Variants in NAALADL2 observed in about 807,000 individuals in gnomAD.
The protein encoded by NAALADL2 is N-acetylated alpha-linked acidic dipeptidase like 2.
NAALADL2 carries 76 observed loss-of-function variants against 87.2 expected under a neutral mutation model. The ratio of observed to expected loss-of-function variants is 0.87; its 90% CI spans 0.72 to 1.05. NAALADL2 has a LOEUF of 1.05. Ranked by LOEUF, NAALADL2 falls within the 50% of genes least tolerant of loss-of-function variation. NAALADL2 has a pLI of 0.00. For synonymous variants in NAALADL2, 354 were observed against 331.0 expected (o/e 1.07, Z -0.75); for missense variants, 1,089 against 945.8 (o/e 1.15, Z -1.99).
intron 5 of NAALADL2, among the ~76,000 whole-genome samples, chr3:175,441,706 C>T (rs1719797460): frequency 6.9e-6 from 1 of 144,926 alleles, no homozygotes; most frequent in African/African-American, 2.6e-5. Context: ...CACACACACA[C>T]GAGGTGCACA....
At chr3:175,439,331 T>G (rs967629579) in intron 5 of NAALADL2, among the ~76,000 whole-genome samples, 2 of 152,094 alleles carry the variant, frequency 1.3e-5, no homozygotes, top group African/African-American at 4.8e-5. Flanking sequence ...TTTTTATAAT[T>G]ACTTATTTTC....
At chr3:174,522,404 C>G (rs865904655) in intron 1 of NAALADL2, among the ~76,000 whole-genome samples, 46 of 152,088 alleles carry the variant, frequency 3.0e-4, no homozygotes, top group African/African-American at 1.0e-3. Context: ...CTTCTTGGCT[C>G]AATCTCAGCA....
At chr3:174,518,598 C>A (rs1206720070) in intron 1 of NAALADL2, among the ~76,000 whole-genome samples, 1 of 152,102 alleles carries the variant, frequency 6.6e-6, no homozygotes, top group African/African-American at 2.4e-5. Flanking sequence ...ATTTAATCAC[C>A]TTAACATGAC....
At chr3:175,358,948 A>AC in intron 5 of NAALADL2, among the ~76,000 whole-genome samples, 1 of 152,262 alleles carries the variant, frequency 6.6e-6, no homozygotes, top group East Asian at 1.9e-4. Flanking sequence ...AATGGAAAGG[A>AC]CTGTGAAAAT....
intron 9 of NAALADL2, among the ~76,000 whole-genome samples, chr3:175,525,399 T>C (rs1733250020): frequency 6.6e-6 from 1 of 152,154 alleles, no homozygotes; most frequent in African/African-American, 2.4e-5. Flanking sequence ...GTCAATTTAC[T>C]TATCCATTCT....
chr3:175,207,720 G>A (rs1002194562), intron 2 of NAALADL2, among the ~76,000 whole-genome samples: 5 of 151,994 alleles, frequency 3.3e-5, no homozygotes, highest in African/African-American at 7.2e-5. Context: ...ACATTAAGCC[G>A]AGTAAAGCTT....
chr3:175,251,577 C>A (rs1029727328), intron 3 of NAALADL2, among the ~76,000 whole-genome samples: 10 of 152,094 alleles, frequency 6.6e-5, no homozygotes, highest in East Asian at 1.9e-4. Flanking sequence ...TAACATAGTA[C>A]CCCAACTAGT....
chr3:175,190,513 G>A (rs1480131217), intron 2 of NAALADL2, among the ~76,000 whole-genome samples: 1 of 152,148 alleles, frequency 6.6e-6, no homozygotes, highest in African/African-American at 2.4e-5. Context: ...ACACCTGTTA[G>A]GATGTCTATT....
intron 1 of NAALADL2, among the ~76,000 whole-genome samples, chr3:175,039,172 T>A (rs1038027423): frequency 3.9e-5 from 6 of 152,298 alleles, no homozygotes; most frequent in African/African-American, 1.4e-4. Context: ...CTGTTGTTTG[T>A]TTTTTGTTTC....
At chr3:175,568,258 A>G (rs1386584281) in intron 9 of NAALADL2, among the ~76,000 whole-genome samples, 1 of 152,182 alleles carries the variant, frequency 6.6e-6, no homozygotes, top group Admixed American at 6.5e-5. Flanking sequence ...ATTAGAAGAC[A>G]TCTGCAATGC....
chr3:174,497,241 T>C (rs1718601815), intron 1 of NAALADL2, among the ~76,000 whole-genome samples: 1 of 152,160 alleles, frequency 6.6e-6, no homozygotes, highest in Non-Finnish European at 1.5e-5. Context: ...TCCTGGAACT[T>C]GTGTCACTGG....
At chr3:175,786,696 A>C (rs1752015496) in intron 13 of NAALADL2, among the ~76,000 whole-genome samples, 2 of 152,048 alleles carry the variant, frequency 1.3e-5, no homozygotes, top group Non-Finnish European at 1.5e-5. Context: ...TTCTTCTCTC[A>C]TCTCGTCAAA....
chr3:174,863,839 A>T (rs530936112), intron 1 of NAALADL2: 2 of 283,624 alleles, frequency 7.1e-6, no homozygotes, highest in Non-Finnish European at 1.4e-5. Flanking sequence ...AGCATTTTCA[A>T]TTAACAGAAG....
In NAALADL2 at chr3:175,804,167, A is replaced by T. The variant is rs1754501016; in HGVS notation, c.*964A>T. 6.6e-6 allele frequency: 1 copy of T among 151,922 alleles called. No homozygotes were observed. Among genetic ancestry groups the T allele is most frequent in the Non-Finnish European group, 1.5e-5 (1 of 67,868 alleles). The allele number at this position is 151,922 out of a possible 1,614,324, so 9.4% of individuals were successfully genotyped here. ...CTCTTTGAAACCCAAAATGTCTTCT[A>T]AAGAATCAAATTTCTATTTCTGCCT... On this transcript the variant is annotated 3_prime_UTR_variant, in exon 14 of 14. Coordinates refer to ENST00000454872, the MANE Select transcript of NAALADL2 (RefSeq NM_207015.3).
Position 174,545,477 on chromosome 3 carries a change from G to A in NAALADL2, c.-183-5092G>A, listed in dbSNP as rs191931019. On this transcript the variant is annotated intron_variant, in intron 1 of 3. Transcript: ENST00000434257. ...ATTCTACTCTCCTGTGTGATTGATC[G>A]TTTGATTTAACATAGGCAGCTGCTT... 2.9e-4 allele frequency among the ~76,000 whole-genome samples: 44 copies of A among 152,236 alleles called. 1 individual carries two copies. The highest frequency in any genetic ancestry group is 8.7e-4 in the African/African-American group (36 of 41,552).
chr3:175,743,693 G>A (rs1325588941), intron 12 of NAALADL2, among the ~76,000 whole-genome samples: 4 of 152,178 alleles, frequency 2.6e-5, no homozygotes, highest in Admixed American at 6.5e-5. Flanking sequence ...TAGACTTCAT[G>A]TCATAGTGAG....
chr3:175,383,627 G>A (rs1454520520), intron 5 of NAALADL2, among the ~76,000 whole-genome samples: 3 of 151,596 alleles, frequency 2.0e-5, no homozygotes, highest in East Asian at 3.9e-4. Context: ...TTTTTAATGT[G>A]TTTCTTGCCA....
At chr3:175,688,504 A>C (rs1736615436) in intron 11 of NAALADL2, among the ~76,000 whole-genome samples, 1 of 152,184 alleles carries the variant, frequency 6.6e-6, no homozygotes, top group African/African-American at 2.4e-5. Context: ...ACTTTGATGA[A>C]GTGCAAAAGA....
rs1755076586 is a variant in NAALADL2, at chr3:175,810,399, T to G, written c.*7196T>G. 3 of 152,062 alleles carry G rather than the reference T, an allele frequency of 2.0e-5. No individual in the cohort carries two copies. The highest frequency in any genetic ancestry group is 4.1e-4 in the South Asian group (2 of 4,830). The allele number at this position is 152,062 out of a possible 1,614,324, so 9.4% of individuals were successfully genotyped here. ...GTGAATATTTTATATTTAAGTTGTT[T>G]AAATATTTGCACATTATTGAAAACA... On this transcript the variant is annotated 3_prime_UTR_variant, in exon 14 of 14. Coordinates refer to ENST00000454872, the MANE Select transcript of NAALADL2 (RefSeq NM_207015.3).
Sources: allele counts gnomAD v4.1 joint callset (sites outside exome capture counted in the v4.1 genomes callset), GRCh38; gene constraint gnomAD v4.1.1; transcripts MANE v1.5; gene names NCBI Gene and HGNC (gene_info 2026-07-23, HGNC 2026-07-21).